Variants in IL1RAPL2 observed in about 807,000 individuals in gnomAD.
The protein encoded by IL1RAPL2 is interleukin 1 receptor accessory protein like 2.
Under a neutral mutation model 44.1 loss-of-function variants are expected in IL1RAPL2, and 3 were observed. The ratio of observed to expected loss-of-function variants is 0.07; its 90% CI spans 0.03 to 0.18. The LOEUF is 0.18. IL1RAPL2 is among the 10% of genes least tolerant of loss of function. The pLI is 1.00. For missense variants in IL1RAPL2, 391 were observed against 496.4 expected (o/e 0.79, Z 2.02); for synonymous variants, 181 against 178.8 (o/e 1.01, Z -0.10).
intron 2 of IL1RAPL2, among the ~76,000 whole-genome samples, chrX:104,742,981 G>T (rs1932119586): frequency 8.9e-6 from 1 of 111,792 alleles, no homozygotes; most frequent in African/African-American, 3.2e-5. Flanking sequence ...TCTGAATACA[G>T]CTGACCTGCT....
intron 2 of IL1RAPL2, among the ~76,000 whole-genome samples, chrX:105,076,862 C>G (rs1602939444): frequency 9.0e-6 from 1 of 110,704 alleles, no homozygotes; most frequent in Non-Finnish European, 1.9e-5. Flanking sequence ...ACTAGGATTG[C>G]AACCCCTGCC....
intron 6 of IL1RAPL2, among the ~76,000 whole-genome samples, chrX:105,677,886 T>C (rs1164036205): frequency 1.5e-4 from 17 of 112,094 alleles, no homozygotes; most frequent in African/African-American, 5.5e-4. Flanking sequence ...AGTCAAATTC[T>C]ACCACATATT....
intron 5 of IL1RAPL2, chrX:105,407,153 TAA>T (rs143467872): frequency 0.12 from 37,103 of 303,968 alleles, 5,909 homozygotes; most frequent in African/African-American, 0.65. Flanking sequence ...GTAAGGAAAT[TAA>T]AAAAAAAAAA....
chrX:104,936,378 CAT>C (rs905432719), intron 2 of IL1RAPL2, among the ~76,000 whole-genome samples: 22 of 111,435 alleles, frequency 2.0e-4, no homozygotes, highest in Non-Finnish European at 2.4e-4. Context: ...ATGAAACAAA[CAT>C]AGGAGTGTAC....
intron 5 of IL1RAPL2, among the ~76,000 whole-genome samples, chrX:105,393,387 T>G (rs373191664): frequency 3.6e-5 from 4 of 111,242 alleles, no homozygotes; most frequent in South Asian, 7.8e-4. Context: ...TCTACAAAAG[T>G]GATATTATCT....
At chrX:105,322,956 T>C (rs754203485) in intron 5 of IL1RAPL2, among the ~76,000 whole-genome samples, 6 of 111,897 alleles carry the variant, frequency 5.4e-5, no homozygotes, top group African/African-American at 9.7e-5. Flanking sequence ...TAGGGACATA[T>C]TCAAAACTCT....
chrX:104,799,810 C>T (rs1383191517), intron 2 of IL1RAPL2, among the ~76,000 whole-genome samples: 1 of 111,512 alleles, frequency 9.0e-6, no homozygotes, highest in Non-Finnish European at 1.9e-5. Flanking sequence ...ACCAACTTAT[C>T]ATTTTTTCAG....
At chrX:105,006,396 A>T (rs1464876631) in intron 2 of IL1RAPL2, among the ~76,000 whole-genome samples, 1 of 110,661 alleles carries the variant, frequency 9.0e-6, no homozygotes, top group African/African-American at 3.3e-5. Flanking sequence ...CAATGTAAAT[A>T]TTAGTATATA....
intron 6 of IL1RAPL2, among the ~76,000 whole-genome samples, chrX:105,513,487 T>A (rs746250813): frequency 8.9e-6 from 1 of 112,059 alleles, no homozygotes; most frequent in East Asian, 2.8e-4. Flanking sequence ...GGTACCTCAT[T>A]GTAGTTTTGA....
intron 6 of IL1RAPL2, among the ~76,000 whole-genome samples, chrX:105,671,379 T>C (rs190098388): frequency 8.9e-6 from 1 of 112,575 alleles, no homozygotes; most frequent in African/African-American, 3.2e-5. Flanking sequence ...TGCTTTTTAT[T>C]TTTTTATAGA....
At chrX:105,026,559 A>G (rs775171204) in intron 2 of IL1RAPL2, among the ~76,000 whole-genome samples, 4 of 111,271 alleles carry the variant, frequency 3.6e-5, no homozygotes, top group African/African-American at 1.3e-4. Flanking sequence ...CCAATATTGA[A>G]CAATCTGTAA....
chrX:104,915,118 C>T (rs1351047650), intron 2 of IL1RAPL2, among the ~76,000 whole-genome samples: 1 of 111,635 alleles, frequency 9.0e-6, no homozygotes, highest in African/African-American at 3.3e-5. Flanking sequence ...ATTTCTAGTT[C>T]TAGATCCCCG....
intron 6 of IL1RAPL2, among the ~76,000 whole-genome samples, chrX:105,580,400 A>T (rs1466273248): frequency 1.1e-5 from 1 of 93,045 alleles, no homozygotes; most frequent in Admixed American, 1.3e-4. Flanking sequence ...GGTGAAGGCC[A>T]CTTCCTTTGT....
intron 6 of IL1RAPL2, among the ~76,000 whole-genome samples, chrX:105,631,585 GC>G (rs1255418546): frequency 5.4e-5 from 6 of 111,879 alleles, no homozygotes; most frequent in Admixed American, 1.9e-4. Context: ...CAATATAGTA[GC>G]CCAGACACCT....
At chrX:104,567,806 G>C (rs1057068273) in intron 1 of IL1RAPL2, among the ~76,000 whole-genome samples, 3 of 112,215 alleles carry the variant, frequency 2.7e-5, no homozygotes, top group Non-Finnish European at 3.8e-5. Context: ...CTCTGGGCCT[G>C]GCATTGGAGC....
intron 2 of IL1RAPL2, among the ~76,000 whole-genome samples, chrX:104,939,607 T>C (rs1925112810): frequency 8.9e-6 from 1 of 111,947 alleles, no homozygotes; most frequent in South Asian, 3.7e-4. Context: ...ATACCAAAAA[T>C]AATTCAAAAC....
intron 2 of IL1RAPL2, among the ~76,000 whole-genome samples, chrX:104,971,382 G>A (rs746642208): frequency 1.5e-4 from 17 of 111,232 alleles, no homozygotes; most frequent in Non-Finnish European, 3.0e-4. Flanking sequence ...GGTCTTCGGA[G>A]AGGTAAAAAC....
chrX:104,762,663 G>A (rs773910680), intron 2 of IL1RAPL2, among the ~76,000 whole-genome samples: 1 of 112,954 alleles, frequency 8.9e-6, no homozygotes, highest in African/African-American at 3.2e-5. Context: ...GAAAACTTCT[G>A]TCTGGCCATC....
At chrX:105,306,867 G>A (rs1397997999) in intron 5 of IL1RAPL2, among the ~76,000 whole-genome samples, 3 of 110,778 alleles carry the variant, frequency 2.7e-5, no homozygotes, top group East Asian at 2.8e-4. Context: ...TCATTTTCAC[G>A]CTGCTATAAA....
Sources: allele counts gnomAD v4.1 joint callset (sites outside exome capture counted in the v4.1 genomes callset), GRCh38; gene constraint gnomAD v4.1.1; transcripts MANE v1.5; gene names NCBI Gene and HGNC (gene_info 2026-07-23, HGNC 2026-07-21).